Variants in FAT3 observed in about 807,000 individuals in gnomAD.
FAT3 encodes the protein protocadherin Fat 3.
Under a neutral mutation model 310.2 loss-of-function variants are expected in FAT3, and 95 were observed. The observed-to-expected ratio is 0.31, with a 90% CI of 0.26 to 0.36. The LOEUF (loss-of-function observed/expected upper bound fraction) is 0.36. Among genes scored for constraint, FAT3 ranks in the 10% least tolerant of loss-of-function variants. FAT3 has a pLI of 1.00. For missense variants in FAT3, 5,408 were observed against 5,715.6 expected (o/e 0.95, Z 1.74); for synonymous variants, 2,314 against 2,192.9 (o/e 1.06, Z -1.54).
intron 13 of FAT3, among the ~76,000 whole-genome samples, chr11:92,815,366 G>A (rs916050814): frequency 1.3e-5 from 2 of 152,064 alleles, no homozygotes; most frequent in African/African-American, 2.4e-5. Context: ...AAGGTCAGGA[G>A]ATCGAGACCA....
chr11:92,640,747 A>T (rs570619374), intron 3 of FAT3, among the ~76,000 whole-genome samples: 29 of 152,300 alleles, frequency 1.9e-4, no homozygotes, highest in African/African-American at 6.7e-4. Flanking sequence ...TTTGAGTAAA[A>T]GGTAGCCCTG....
Position 92,412,730 on chromosome 11 carries a change from T to TATATATATATATACAC in FAT3, c.3292+57339_3292+57340insCACATATATATATATA, listed in dbSNP as rs1950310544. Among the ~76,000 whole-genome samples the TATATATATATATACAC allele has an allele frequency of 1.1e-3, 25 of 22,880 alleles. 1 individual carries two copies. Among genetic ancestry groups the TATATATATATATACAC allele is most frequent in the Admixed American group, 2.1e-3 (3 of 1,396 alleles). The allele number at this position is 22,880 out of a possible 152,430, so 15.0% of individuals were successfully genotyped here. A position where few individuals can be genotyped will look rare whatever the true frequency, so the allele number is the denominator to read the frequency against. On this transcript the variant is annotated intron_variant, in intron 2 of 27. Coordinates refer to ENST00000525166, the MANE Select transcript of FAT3 (RefSeq NM_001367949.2). Reference sequence around the variant, plus strand: ...ATATATATATATATATATATATATATATATATATATATATAAATATACATA... The same window carrying TATATATATATATACAC: ...ATATATATATATATATATATATATATATATATATATATACACATATATATATATATAAATATACATA...
chr11:92,468,105 A>C (rs1283490287), intron 2 of FAT3, among the ~76,000 whole-genome samples: 1 of 152,170 alleles, frequency 6.6e-6, no homozygotes, highest in East Asian at 1.9e-4. Context: ...CAATAGCCTC[A>C]CTTTGGGCCA....
In FAT3 at chr11:92,389,060, A is replaced by C. The variant is rs552960521; in HGVS notation, c.3292+33656A>C. Among the ~76,000 whole-genome samples, 7 of 152,280 alleles carry C rather than the reference A, an allele frequency of 4.6e-5. No individual in the cohort carries two copies. In the South Asian group the frequency reaches 6.2e-4, roughly 14 times the overall value. ...CAGCTCTCCATCCCCTGCCATACCC[A>C]GTAGGTGCCATAGCAACACATGAAA... is the stretch of plus-strand genomic sequence containing the variant. On this transcript the variant is annotated intron_variant, in intron 2 of 27. Transcript: ENST00000525166.
intron 3 of FAT3, among the ~76,000 whole-genome samples, chr11:92,572,949 T>C (rs1331461861): frequency 6.6e-6 from 1 of 152,208 alleles, no homozygotes; most frequent in African/African-American, 2.4e-5. Context: ...TATATCCATG[T>C]CAAAATTGAG....
intron 1 of FAT3, among the ~76,000 whole-genome samples, chr11:92,265,074 A>C (rs1042090396): frequency 2.6e-5 from 4 of 151,992 alleles, no homozygotes; most frequent in African/African-American, 9.7e-5. Context: ...TCTAGAAATC[A>C]CCACAGGTTC....
At chr11:92,374,030 G>GGAGAGAGAGAGAGAGAGAGA (rs58680206) in intron 2 of FAT3, among the ~76,000 whole-genome samples, 41 of 142,234 alleles carry the variant, frequency 2.9e-4, no homozygotes, top group African/African-American at 8.0e-4. Flanking sequence ...ACAGAGAGAG[G>GGAGAGAGAGAGAGAGAGAGA]GAGAGAGAGA....
intron 2 of FAT3, among the ~76,000 whole-genome samples, chr11:92,422,829 A>C (rs1355213361): frequency 6.6e-6 from 1 of 152,110 alleles, no homozygotes. Context: ...TGTGGCTGGC[A>C]CAGTCTATCA....
At chr11:92,563,893 AC>A (rs1157832896) in intron 3 of FAT3, among the ~76,000 whole-genome samples, 1 of 152,194 alleles carries the variant, frequency 6.6e-6, no homozygotes, top group East Asian at 1.9e-4. Flanking sequence ...GAAGCACTAA[AC>A]ATGGAAAGGA....
In FAT3 at chr11:92,705,405, GGTGGTGATGGTGGTA is replaced by G; in HGVS notation, c.3669+7967_3669+7981del. Among the ~76,000 whole-genome samples the G allele has an allele frequency of 2.4e-5, 3 of 126,952 alleles. No individual in the cohort carries two copies. The East Asian group carries it at 7.3e-4, about 31-fold the overall frequency. The allele number at this position is 126,952 out of a possible 152,430, so 83.3% of individuals were successfully genotyped here. On this transcript the variant is annotated intron_variant, in intron 4 of 27. Transcript: ENST00000525166. ...TGGTGGTGGTGGTGGTGATGGTGGT[GGTGGTGATGGTGGTA>G]GTGGTGGTGGTGGTGATGGTGGTGG...
intron 2 of FAT3, among the ~76,000 whole-genome samples, chr11:92,509,779 T>G (rs1424262299): frequency 6.6e-6 from 1 of 152,102 alleles, no homozygotes; most frequent in Non-Finnish European, 1.5e-5. Flanking sequence ...TACAGATAAA[T>G]ATACTGCTTT....
intron 4 of FAT3, among the ~76,000 whole-genome samples, chr11:92,700,262 A>G (rs1944059047): frequency 6.6e-6 from 1 of 152,188 alleles, no homozygotes; most frequent in Non-Finnish European, 1.5e-5. Context: ...TGAAGAGTGT[A>G]AAGGCAGAGT....
At chr11:92,651,156 A>G (rs1270023991) in intron 3 of FAT3, among the ~76,000 whole-genome samples, 1 of 152,178 alleles carries the variant, frequency 6.6e-6, no homozygotes, top group Non-Finnish European at 1.5e-5. Context: ...TTTACAGCCA[A>G]TTGTCAAATG....
chr11:92,703,611 C>CGAA lies in FAT3; in HGVS notation c.3669+6166_3669+6167insGAA, dbSNP rs1944169340. 2.6e-5 allele frequency among the ~76,000 whole-genome samples: 4 copies of CGAA among 152,314 alleles called. No homozygotes were observed. In the South Asian group the frequency reaches 8.3e-4, roughly 32 times the overall value. ...TGTGACACAGCTGCTGACCTCTTTC[C>CGAA]ACTCATTCCTTCCATTCTCTCATTT... is the stretch of plus-strand genomic sequence containing the variant. On this transcript the variant is annotated intron_variant, in intron 4 of 27. Transcript: ENST00000525166.
intron 3 of FAT3, among the ~76,000 whole-genome samples, chr11:92,547,287 A>C (rs1286258353): frequency 6.6e-6 from 1 of 152,186 alleles, no homozygotes; most frequent in Non-Finnish European, 1.5e-5. Flanking sequence ...ATTCTTCAAG[A>C]GACTCTACAA....
At chr11:92,690,544 C>A (rs934274758) in intron 3 of FAT3, among the ~76,000 whole-genome samples, 3 of 152,074 alleles carry the variant, frequency 2.0e-5, no homozygotes, top group Non-Finnish European at 4.4e-5. Context: ...TTTTAACCCC[C>A]TTATAACTGA....
intron 3 of FAT3, among the ~76,000 whole-genome samples, chr11:92,571,336 T>C (rs1955658188): frequency 6.6e-6 from 1 of 152,070 alleles, no homozygotes; most frequent in Non-Finnish European, 1.5e-5. Flanking sequence ...CACAGGCAGC[T>C]AGGGGTGAGG....
intron 2 of FAT3, among the ~76,000 whole-genome samples, chr11:92,433,894 T>C (rs1950860809): frequency 6.6e-6 from 1 of 151,788 alleles, no homozygotes; most frequent in Non-Finnish European, 1.5e-5. Flanking sequence ...TGGGCACCTG[T>C]AGTCCCAGCT....
At position 92,690,190 on chromosome 11, in the gene FAT3, A is replaced by T. The variant is rs543855033; in HGVS notation, c.3608-7194A>T. ...CCTGCTGCTAAGGCAGAATTCAGAA[A>T]TGCCATCCATTGGCTTGCAAAGAAA... On this transcript the variant is annotated intron_variant, in intron 3 of 27. Transcript: ENST00000525166. Among the ~76,000 whole-genome samples, 11 of 152,364 alleles carry T rather than the reference A, an allele frequency of 7.2e-5. No individual in the cohort carries two copies. The South Asian group carries it at 1.7e-3, about 23-fold the overall frequency.
Sources: gnomAD v4.1 joint callset for allele counts (sites outside exome capture counted in the v4.1 genomes callset) on GRCh38, gnomAD v4.1.1 for gene constraint, MANE v1.5 for transcripts, NCBI Gene and HGNC (gene_info 2026-07-23, HGNC 2026-07-21) for gene names.